The following PREX2 variants were observed in gnomAD, a reference collection of about 807,000 sequenced individuals.
PREX2 encodes the protein phosphatidylinositol 3,4,5-trisphosphate-dependent Rac exchanger 2 protein.
Under a neutral mutation model 203.2 loss-of-function variants are expected in PREX2, and 107 were observed. The observed-to-expected ratio is 0.53, with a 90% CI of 0.45 to 0.62. PREX2 has a LOEUF of 0.62. PREX2 is among the 20% of genes least tolerant of loss of function. PREX2 has a pLI of 0.00. For missense variants in PREX2, 1,777 were observed against 1,955.9 expected (o/e 0.91, Z 1.72); for synonymous variants, 672 against 663.6 (o/e 1.01, Z -0.19).
intron 1 of PREX2, among the ~76,000 whole-genome samples, chr8:67,964,231 A>T (rs1350129295): frequency 6.6e-6 from 1 of 152,214 alleles, no homozygotes; most frequent in African/African-American, 2.4e-5. Context: ...AATGACACAC[A>T]TCACTTTCAC....
intron 9 of PREX2, among the ~76,000 whole-genome samples, chr8:68,054,376 C>G (rs1239434639): frequency 8.7e-6 from 1 of 115,304 alleles, no homozygotes; most frequent in African/African-American, 4.4e-5. Context: ...AAAAACAAAA[C>G]AAAATAAAAA....
chr8:68,217,125 T>C (rs933799367), intron 37 of PREX2, among the ~76,000 whole-genome samples: 7 of 152,162 alleles, frequency 4.6e-5, no homozygotes, highest in African/African-American at 1.7e-4. Context: ...TTACAAATAC[T>C]CTTTTAGATT....
chr8:68,231,304 A>G (rs981635382), intron 39 of PREX2, 29 bp from the exon 40 acceptor site: 1 of 1,547,054 alleles, frequency 6.5e-7, no homozygotes, highest in Middle Eastern at 1.7e-4. Flanking sequence ...ACACTAAGTC[A>G]CTGTCAAACT....
At chr8:68,188,642 AG>A (rs1394348225) in intron 35 of PREX2, among the ~76,000 whole-genome samples, 15 of 152,324 alleles carry the variant, frequency 9.8e-5, no homozygotes, top group South Asian at 2.1e-4. Flanking sequence ...ATGAGGAGCA[AG>A]GTCACATCTT....
intron 35 of PREX2, among the ~76,000 whole-genome samples, chr8:68,161,834 T>C (rs949742845): frequency 2.0e-5 from 3 of 152,206 alleles, no homozygotes; most frequent in Non-Finnish European, 4.4e-5. Flanking sequence ...TAGTTTGTTC[T>C]CATACTGCTA....
In PREX2 at chr8:68,025,791, A is replaced by G. The variant is rs1807700425; in HGVS notation, c.442-1431A>G. Among the ~76,000 whole-genome samples the G allele has an allele frequency of 2.6e-5, 4 of 152,046 alleles. No individual in the cohort carries two copies. The South Asian group carries it at 8.3e-4, about 31-fold the overall frequency. On this transcript the variant is annotated intron_variant, in intron 4 of 39. Transcript: ENST00000288368. ...GGAAACATATTCTTCATGTATGTAT[A>G]AGGAGCTGGCTCTCGTCAGCCAGTC...
chr8:68,135,764 T>G (rs975929443), intron 32 of PREX2, among the ~76,000 whole-genome samples: 3 of 152,144 alleles, frequency 2.0e-5, no homozygotes, highest in African/African-American at 7.2e-5. Flanking sequence ...TCACACAAAA[T>G]CTTGTATGCA....
chr8:68,193,525 T>C (rs923646274), intron 37 of PREX2, among the ~76,000 whole-genome samples: 1 of 152,182 alleles, frequency 6.6e-6, no homozygotes, highest in Non-Finnish European at 1.5e-5. Flanking sequence ...TGCTGTTGGC[T>C]GTGTAATATC....
At chr8:67,956,917 T>C (rs1473826000) in intron 1 of PREX2, among the ~76,000 whole-genome samples, 1 of 152,254 alleles carries the variant, frequency 6.6e-6, no homozygotes, top group Non-Finnish European at 1.5e-5. Context: ...TCTAATTTGC[T>C]TTGTGATTTT....
chr8:68,124,508 G>A (rs1215348954), intron 30 of PREX2, among the ~76,000 whole-genome samples: 2 of 151,998 alleles, frequency 1.3e-5, no homozygotes, highest in Admixed American at 6.6e-5. Flanking sequence ...GGTAGGAGGA[G>A]GGAGAGGATC....
chr8:68,140,538 A>C (rs1406097833), intron 33 of PREX2, among the ~76,000 whole-genome samples: 2 of 152,168 alleles, frequency 1.3e-5, no homozygotes, highest in Non-Finnish European at 2.9e-5. Context: ...AGTCAGATTC[A>C]CTAATCCTGT....
chr8:68,122,435 A>T (rs1442662582), intron 30 of PREX2, among the ~76,000 whole-genome samples: 4 of 152,078 alleles, frequency 2.6e-5, no homozygotes, highest in Non-Finnish European at 4.4e-5. Flanking sequence ...TCCCCAAAAT[A>T]TGAATAGCAT....
intron 1 of PREX2, among the ~76,000 whole-genome samples, chr8:67,981,109 TTAAAGCATAAA>T (rs1349290924): frequency 1.3e-5 from 2 of 152,178 alleles, no homozygotes; most frequent in African/African-American, 4.8e-5. Context: ...AAAGTACAAT[TTAAAGCATAAA>T]TACAGTGTCC....
chr8:67,980,093 G>T (rs1243501694), intron 1 of PREX2, among the ~76,000 whole-genome samples: 1 of 152,218 alleles, frequency 6.6e-6, no homozygotes, highest in African/African-American at 2.4e-5. Flanking sequence ...GAGCAAAGAG[G>T]TGAAAAAGTT....
At chr8:67,982,544 A>G (rs111535623) in intron 1 of PREX2, among the ~76,000 whole-genome samples, 86 of 152,336 alleles carry the variant, frequency 5.6e-4, no homozygotes, top group African/African-American at 1.9e-3. Flanking sequence ...TAAAAGATAC[A>G]TTGACATGTA....
At chr8:68,067,252 T>C (rs2380443) in intron 11 of PREX2, among the ~76,000 whole-genome samples, 79,604 of 151,876 alleles carry the variant, frequency 0.52, 20,912 homozygotes, top group South Asian at 0.56. Context: ...TCTATTTCTG[T>C]GAAAAATGCC....
chr8:67,974,417 AC>A (rs67793529), intron 1 of PREX2, among the ~76,000 whole-genome samples: 55,606 of 151,862 alleles, frequency 0.37, 10,423 homozygotes, highest in East Asian at 0.6. Flanking sequence ...AAATTGATGA[AC>A]ATTCTTCATG....
chr8:68,091,379 C>A (rs934521520), intron 20 of PREX2, among the ~76,000 whole-genome samples: 1 of 152,170 alleles, frequency 6.6e-6, no homozygotes, highest in South Asian at 2.1e-4. Flanking sequence ...TGAGTATTGG[C>A]ATATAAAAGA....
At chr8:68,041,989 T>C (rs992995022) in intron 7 of PREX2, among the ~76,000 whole-genome samples, 6 of 152,114 alleles carry the variant, frequency 3.9e-5, no homozygotes, top group Non-Finnish European at 8.8e-5. Context: ...GTGGATCAAA[T>C]ACAGAGTGGT....
Sources: allele counts gnomAD v4.1 joint callset (sites outside exome capture counted in the v4.1 genomes callset), GRCh38; gene constraint gnomAD v4.1.1; transcripts MANE v1.5; gene names NCBI Gene and HGNC (gene_info 2026-07-23, HGNC 2026-07-21).